The following CARF variants were observed in gnomAD, a reference collection of about 807,000 sequenced individuals.
CARF encodes calcium responsive transcription factor, also known as calcium-responsive transcription factor.
Under a neutral mutation model 82.0 loss-of-function variants are expected in CARF, and 57 were observed. That is an observed-to-expected ratio of 0.70 (90% CI 0.56 to 0.87). The LOEUF (loss-of-function observed/expected upper bound fraction) is 0.87. Ranked by LOEUF, CARF falls within the 40% of genes least tolerant of loss-of-function variation. CARF has a pLI of 0.00. For synonymous variants in CARF, 268 were observed against 290.1 expected (o/e 0.92, Z 0.77); for missense variants, 771 against 855.8 (o/e 0.90, Z 1.24).
intron 5 of CARF, among the ~76,000 whole-genome samples, chr2:202,951,841 T>C (rs2058767738): frequency 6.6e-6 from 1 of 151,866 alleles, no homozygotes; most frequent in Non-Finnish European, 1.5e-5. Context: ...GTTACCTTTT[T>C]TTTTTTTTTG....
chr2:202,957,084 CA>C (rs1309603174), intron 8 of CARF, among the ~76,000 whole-genome samples: 1 of 152,136 alleles, frequency 6.6e-6, no homozygotes, highest in Non-Finnish European at 1.5e-5. Flanking sequence ...CCACCGCGCC[CA>C]GAAGTAGTCA....
At chr2:202,943,474 T>C (rs181563253) in intron 5 of CARF, among the ~76,000 whole-genome samples, 4 of 152,302 alleles carry the variant, frequency 2.6e-5, no homozygotes, top group South Asian at 2.1e-4. Context: ...ACAGTACTTA[T>C]GAGTCTCTGT....
chr2:202,982,122 G>A lies in CARF; in HGVS notation c.1740G>A (p.Val580=). 6.2e-7 allele frequency: 1 copy of A among 1,614,034 alleles called. No individual in the cohort carries two copies. The highest frequency in any genetic ancestry group is 8.5e-7 in the Non-Finnish European group (1 of 1,179,966). ...RYTSPDESPA[V]VSVNNQPSSS... is the part of the protein sequence containing the mutation. ...CCTCTCCTGATGAATCACCAGCTGTGGTATCAGTAAATAACCAGCCGTCCT... is the reference window on the plus strand; with the variant it reads ...CCTCTCCTGATGAATCACCAGCTGTAGTATCAGTAAATAACCAGCCGTCCT... The change falls in exon 16 of 17, where the codon GTG becomes GTA. Residue 580 remains valine, a synonymous_variant. Transcript: ENST00000438828.
rs1688928250 is a variant in CARF, at chr2:202,913,033, G to A, written c.-399G>A. 1 of 152,164 alleles carries A rather than the reference G, an allele frequency of 6.6e-6. No individual in the cohort carries two copies. The highest frequency in any genetic ancestry group is 1.5e-5 in the Non-Finnish European group (1 of 68,064). The allele number at this position is 152,164 out of a possible 1,614,324, so 9.4% of individuals were successfully genotyped here. ...TCCTGATCCCAATGTCACTTTTTAAGGCATTCGCTTCAAGAGACAAGCAGT... is the reference window on the plus strand; with the variant it reads ...TCCTGATCCCAATGTCACTTTTTAAAGCATTCGCTTCAAGAGACAAGCAGT... On this transcript the variant is annotated 5_prime_UTR_variant, in exon 1 of 17. Transcript: ENST00000438828.
chr2:202,970,060 T>C lies in CARF; in HGVS notation c.1095T>C (p.Leu365=). 6.4e-7 allele frequency: 1 copy of C among 1,560,470 alleles called. No individual in the cohort carries two copies. The highest frequency in any genetic ancestry group is 8.6e-7 in the Non-Finnish European group (1 of 1,164,032). Residue 365 remains leucine (L), a splice_region_variant and synonymous_variant, in exon 11 of 17, where the codon CTT becomes CTC. Transcript: ENST00000438828. ...ACTTGGTAGATGCTGGTGGTGTTCT[T>C]AGGTATGACATTTTTATAGTTCTTT... ...KKNLVDAGGV[L]RWYVQLPTQQ...
At chr2:202,957,682 C>T (rs766274769) in intron 8 of CARF, among the ~76,000 whole-genome samples, 5 of 152,164 alleles carry the variant, frequency 3.3e-5, no homozygotes, top group East Asian at 1.9e-4. Flanking sequence ...AGGCCGGGTG[C>T]GGTGGCTCAC....
At chr2:202,929,932 C>T (rs1692558597) in intron 3 of CARF, among the ~76,000 whole-genome samples, 1 of 151,968 alleles carries the variant, frequency 6.6e-6, no homozygotes, top group East Asian at 1.9e-4. Flanking sequence ...ATCTGTTGAT[C>T]GCCTTTGGTA....
intron 2 of CARF, among the ~76,000 whole-genome samples, chr2:202,923,757 G>A (rs1356273945): frequency 6.6e-6 from 1 of 152,200 alleles, no homozygotes; most frequent in African/African-American, 2.4e-5. Flanking sequence ...AAACAGCATG[G>A]TACTGGTATC....
chr2:202,941,944 C>T lies in CARF; in HGVS notation c.42C>T (p.Asp14=), dbSNP rs760706765. Residue 14 remains aspartate, a synonymous_variant, in exon 4 of 17, where the codon GAC becomes GAT. Coordinates refer to ENST00000438828, the MANE Select transcript of CARF (RefSeq NM_024744.17). ...SNDSLRVNHN[D]GEESKTSAQV... ...ATTCATTAAGAGTCAACCATAATGA[C>T]GGTGAAGAGTCAAAAACCAGTGCTC... is the stretch of plus-strand genomic sequence containing the variant. 1.1e-4 allele frequency: 183 copies of T among 1,613,246 alleles called. No individual in the cohort carries two copies. In the Admixed American group the frequency reaches 2.3e-3, roughly 20 times the overall value.
chr2:202,942,424 T>C, intron 4 of CARF: 1 of 170,060 alleles, frequency 5.9e-6, no homozygotes, highest in Non-Finnish European at 1.2e-5. Context: ...TTTTATGATA[T>C]ATTTAATATT....
chr2:202,969,309 C>T (rs557792981), intron 10 of CARF, among the ~76,000 whole-genome samples: 1 of 152,204 alleles, frequency 6.6e-6, no homozygotes, highest in South Asian at 2.1e-4. Flanking sequence ...GGCATGGCAG[C>T]TCATGCCTGT....
intron 1 of CARF, among the ~76,000 whole-genome samples, chr2:202,915,519 G>T (rs1273981174): frequency 6.6e-6 from 1 of 152,052 alleles, no homozygotes; most frequent in Non-Finnish European, 1.5e-5. Context: ...CACCAGGCTG[G>T]AGTGCAGTGG....
At chr2:202,935,572 C>T (rs945540295) in intron 3 of CARF, among the ~76,000 whole-genome samples, 5 of 151,864 alleles carry the variant, frequency 3.3e-5, no homozygotes, top group East Asian at 3.9e-4. Context: ...TGCAGGCACA[C>T]ACCACCATGC....
intron 2 of CARF, 145 bp downstream of exon 2, chr2:202,918,188 C>G (rs1271875451): frequency 3.3e-6 from 1 of 304,840 alleles, no homozygotes; most frequent in Non-Finnish European, 6.3e-6. Context: ...ACATTTTATA[C>G]TTAGCTATTT....
chr2:202,938,781 A>G (rs749212123), intron 3 of CARF, among the ~76,000 whole-genome samples: 50 of 151,948 alleles, frequency 3.3e-4, no homozygotes, highest in Non-Finnish European at 5.9e-4. Flanking sequence ...GGGTTTCGCC[A>G]TGTTGGCAGG....
chr2:202,960,650 T>A (rs1230529905), intron 8 of CARF, among the ~76,000 whole-genome samples: 3 of 152,192 alleles, frequency 2.0e-5, no homozygotes, highest in Non-Finnish European at 4.4e-5. Flanking sequence ...TTCTAACAGA[T>A]GCATGGCATC....
rs753653706 is a variant in CARF at position 202,961,403 on chromosome 2, A to C, written c.809A>C (p.Asp270Ala). ...TGGAAATCCCAGTATGTTCCATATG[A>C]TGGAATCCCATTTGTTAATGCAGGT... ...LMWKSQYVPYDGIPFVNAGSR... is the reference protein window; with the variant it reads ...LMWKSQYVPYAGIPFVNAGSR... Residue 270 changes from aspartate to alanine, a missense_variant, in exon 9 of 17, where the codon GAT (aspartate) becomes GCT (alanine). Coordinates refer to ENST00000438828, the MANE Select transcript of CARF (RefSeq NM_024744.17). 1 of 1,614,214 alleles carries C rather than the reference A, an allele frequency of 6.2e-7. No individual in the cohort carries two copies. Among genetic ancestry groups the C allele is most frequent in the Non-Finnish European group, 8.5e-7 (1 of 1,180,034 alleles).
chr2:202,916,732 A>G (rs566657459), intron 1 of CARF, among the ~76,000 whole-genome samples: 2 of 152,144 alleles, frequency 1.3e-5, no homozygotes, highest in South Asian at 4.1e-4. Flanking sequence ...TTTTTTTTGG[A>G]TATTACACAT....
chr2:202,919,863 C>T (rs924821178), intron 2 of CARF, among the ~76,000 whole-genome samples: 3 of 152,116 alleles, frequency 2.0e-5, no homozygotes, highest in Admixed American at 6.6e-5. Flanking sequence ...ACTTATCTGC[C>T]TATCCTATAT....
Sources: gnomAD v4.1 joint callset for allele counts (sites outside exome capture counted in the v4.1 genomes callset) on GRCh38, gnomAD v4.1.1 for gene constraint, MANE v1.5 for transcripts, NCBI Gene and HGNC (gene_info 2026-07-23, HGNC 2026-07-21) for gene names.